The following PCDHGB1 variants were observed in gnomAD, a reference collection of about 807,000 sequenced individuals.
The protein encoded by PCDHGB1 is protocadherin gamma-B1.
In PCDHGB1, 34 loss-of-function variants were observed where a neutral mutation model predicts 56.6. The ratio of observed to expected loss-of-function variants is 0.60; its 90% confidence interval spans 0.46 to 0.80. The LOEUF (loss-of-function observed/expected upper bound fraction) is 0.80, where lower values mean the gene tolerates loss of function less well. Among genes scored for constraint, PCDHGB1 ranks in the 30% least tolerant of loss-of-function variants. The probability of loss-of-function intolerance (pLI) is 0.00; values close to 1 mark genes in which losing one functional copy is unlikely to be tolerated. For synonymous variants in PCDHGB1, 561 were observed against 505.9 expected (o/e 1.11, Z -1.46); for missense variants, 1,278 against 1,204.6 (o/e 1.06, Z -0.90).
In PCDHGB1 at chr5:141,426,319, C is replaced by A. The variant is rs572457971; in HGVS notation, c.2410-68488C>A. On this transcript the variant is annotated intron_variant, in intron 1 of 3. Coordinates refer to ENST00000523390, the MANE Select transcript of PCDHGB1 (RefSeq NM_018922.3). ...CAGGGTGAAGCAGAGAAGCAGGACC[C>A]GGCAGTGGCAAGCACTCTTCCCTTT... 9 of 175,482 alleles carry A rather than the reference C, an allele frequency of 5.1e-5. No homozygotes were observed. In the East Asian group the frequency reaches 6.8e-4, roughly 13 times the overall value. The allele number at this position is 175,482 out of a possible 1,614,324, so 10.9% of individuals were successfully genotyped here.
At chr5:141,504,671 G>C (rs1459848730) in intron 2 of PCDHGB1, among the ~76,000 whole-genome samples, 1 of 111,068 alleles carries the variant, frequency 9.0e-6, no homozygotes, top group East Asian at 3.2e-4. Context: ...GGGGGGTGGG[G>C]GTTCTTGTAA....
intron 3 of PCDHGB1, 110 bp downstream of exon 3, chr5:141,505,591 G>A (rs2099846959): frequency 6.4e-7 from 1 of 1,570,162 alleles, no homozygotes; most frequent in Non-Finnish European, 8.7e-7. Context: ...AGTTTCTCCA[G>A]ATCTTTCGGC....
intron 1 of PCDHGB1, chr5:141,419,504 C>T (rs577411043): frequency 4.7e-5 from 75 of 1,612,298 alleles, no homozygotes; most frequent in South Asian, 2.7e-4. Flanking sequence ...TGTGAGCCTG[C>T]GCGTGTTGGT....
rs200524415 is a variant in PCDHGB1, at chr5:141,487,436, G to C, written c.2410-7371G>C. 1 of 1,614,176 alleles carries C rather than the reference G, an allele frequency of 6.2e-7. No individual in the cohort carries two copies. Among genetic ancestry groups the C allele is most frequent in the East Asian group, 2.2e-5 (1 of 44,870 alleles). ...CAATGGGATCCTCCGAATCCAGCTAGGGTCAGATGACCCTATCAAGTTTGT... is the reference window on the plus strand; with the variant it reads ...CAATGGGATCCTCCGAATCCAGCTACGGTCAGATGACCCTATCAAGTTTGT... On this transcript the variant is annotated intron_variant, in intron 1 of 3. Coordinates refer to ENST00000523390, the MANE Select transcript of PCDHGB1 (RefSeq NM_018922.3). This position sits in a 1 kb window ranked among gnomAD's most constrained non-coding sequence, Gnocchi z 5.0.
intron 1 of PCDHGB1, among the ~76,000 whole-genome samples, chr5:141,450,814 A>C (rs990515429): frequency 1.5e-5 from 2 of 136,790 alleles, no homozygotes; most frequent in Non-Finnish European, 3.1e-5. Context: ...TTATTTATTT[A>C]ATATTATTAT....
At chr5:141,452,635 T>C (rs1426970634) in intron 1 of PCDHGB1, among the ~76,000 whole-genome samples, 1 of 152,086 alleles carries the variant, frequency 6.6e-6, no homozygotes, top group Non-Finnish European at 1.5e-5. Context: ...GCTATGAATA[T>C]ATTTACTCAT....
chr5:141,478,927 C>T (rs2154577116), intron 1 of PCDHGB1: 2 of 690,162 alleles, frequency 2.9e-6, no homozygotes, highest in East Asian at 6.0e-5. Flanking sequence ...TAACCAGTGG[C>T]AGCTTCTAGG....
rs549455612 is a variant in PCDHGB1 at position 141,415,049 on chromosome 5, A to T, written c.2409+62380A>T. On this transcript the variant is annotated intron_variant, in intron 1 of 3. Transcript: ENST00000523390. Reference sequence around the variant, plus strand: ...GAGCCGGGACTCTTCGCGGTGGGGGAGCACACGGGCGAGGTGCGCACGGCG... The same window carrying T: ...GAGCCGGGACTCTTCGCGGTGGGGGTGCACACGGGCGAGGTGCGCACGGCG... 84 of 1,613,216 alleles carry T rather than the reference A, an allele frequency of 5.2e-5. 1 individual carries two copies. In the Admixed American group the frequency reaches 6.0e-4, roughly 12 times the overall value.
At chr5:141,420,672 G>T (rs1478670282) in intron 1 of PCDHGB1, among the ~76,000 whole-genome samples, 1 of 152,296 alleles carries the variant, frequency 6.6e-6, no homozygotes, top group African/African-American at 2.4e-5. Flanking sequence ...CCTACCTGAT[G>T]ATTTTATCGG....
chr5:141,418,946 G>T (rs2096305161), intron 1 of PCDHGB1: 1 of 1,613,900 alleles, frequency 6.2e-7, no homozygotes, highest in African/African-American at 1.3e-5. Context: ...TTCCCCTCCA[G>T]GAGTGGTTGT....
intron 1 of PCDHGB1, among the ~76,000 whole-genome samples, chr5:141,381,823 C>CTTTCTTTCT (rs1777506241): frequency 9.8e-6 from 1 of 101,610 alleles, no homozygotes; most frequent in African/African-American, 4.3e-5. Context: ...TTTCTTTCTT[C>CTTTCTTTCT]TTCTTTTTTT....
rs374134053 is a variant in PCDHGB1, at chr5:141,389,297, A to T, written c.2409+36628A>T. ...ACCCGCCTGGAGCCTCTATTTCACA[A>T]GTCAGGGCTTCTGATCCGGACTTGG... On this transcript the variant is annotated intron_variant, in intron 1 of 3. Coordinates refer to ENST00000523390, the MANE Select transcript of PCDHGB1 (RefSeq NM_018922.3). 6.2e-6 allele frequency: 10 copies of T among 1,613,860 alleles called. No individual in the cohort carries two copies. In the African/African-American group the frequency reaches 1.3e-4, roughly 22 times the overall value.
intron 1 of PCDHGB1, among the ~76,000 whole-genome samples, chr5:141,353,412 A>G (rs1414392171): frequency 1.3e-5 from 2 of 152,176 alleles, no homozygotes; most frequent in Non-Finnish European, 2.9e-5. Context: ...ATCTTCATCA[A>G]TTACATTCTA....
At chr5:141,450,986 G>A (rs950903600) in intron 1 of PCDHGB1, among the ~76,000 whole-genome samples, 15 of 151,310 alleles carry the variant, frequency 9.9e-5, no homozygotes, top group Non-Finnish European at 1.3e-4. Context: ...CACCACACCC[G>A]GCTAATTTTT....
intron 1 of PCDHGB1, chr5:141,356,136 T>C (rs1279455399): frequency 1.2e-6 from 2 of 1,613,734 alleles, no homozygotes; most frequent in South Asian, 1.1e-5. Context: ...ATGAGGACTC[T>C]GGATTCTATG....
At chr5:141,376,410 C>T (rs1042594456) in intron 1 of PCDHGB1, 20 of 1,614,226 alleles carry the variant, frequency 1.2e-5, no homozygotes, top group Non-Finnish European at 1.7e-5. Flanking sequence ...CCCAACTATG[C>T]CGACACGCTT....
chr5:141,400,580 C>T (rs756569671), intron 1 of PCDHGB1: 2 of 1,610,388 alleles, frequency 1.2e-6, no homozygotes, highest in South Asian at 2.2e-5. Context: ...TCTGTATTTA[C>T]ATGAAACTAT....
chr5:141,351,700 C>A lies in PCDHGB1; in HGVS notation c.1440C>A (p.Asn480Lys), dbSNP rs753470957. The change falls in exon 1 of 4, where the codon AAC (asparagine) becomes AAA (lysine). Residue 480 changes from asparagine to lysine, a missense_variant. Physicochemically the swap from Asn to Lys is moderately conservative, Grantham distance 94 (BLOSUM62 0). Transcript: ENST00000523390. ...CCTCCGACCCGGATTTGGGACCCAA[C>A]GGCAGAGTCTCCTACTCTATTCTGG... ...VSASDPDLGP[N>K]GRVSYSILAS... 3.1e-6 allele frequency: 5 copies of A among 1,613,838 alleles called. No individual in the cohort carries two copies. The highest frequency in any genetic ancestry group is 4.2e-6 in the Non-Finnish European group (5 of 1,179,920).
At chr5:141,457,448 A>G (rs1296079061) in intron 1 of PCDHGB1, among the ~76,000 whole-genome samples, 2 of 152,196 alleles carry the variant, frequency 1.3e-5, no homozygotes, top group Non-Finnish European at 2.9e-5. Flanking sequence ...GCAGAAGATC[A>G]CCACTTGATT....
Sources: gnomAD v4.1 joint callset for allele counts (sites outside exome capture counted in the v4.1 genomes callset) on GRCh38, gnomAD v4.1.1 for gene constraint, Gnocchi (gnomAD v3.1) non-coding constraint, MANE v1.5 for transcripts, NCBI Gene and HGNC (gene_info 2026-07-23, HGNC 2026-07-21) for gene names.